The following STARD9 variants were observed in gnomAD, a reference collection of about 807,000 sequenced individuals.
STARD9 encodes stAR-related lipid transfer protein 9.
Under a neutral mutation model 399.8 loss-of-function variants are expected in STARD9, and 346 were observed. The observed-to-expected ratio is 0.87, with a 90% CI of 0.79 to 0.95. The LOEUF is 0.95. Ranked by LOEUF, STARD9 falls within the 40% of genes least tolerant of loss-of-function variation. The pLI is 0.00. For missense variants in STARD9, 5,832 were observed against 5,667.5 expected (o/e 1.03, Z -0.93); for synonymous variants, 2,203 against 2,143.5 (o/e 1.03, Z -0.77).
At chr15:42,613,373 A>C (rs894572415) in intron 3 of STARD9, among the ~76,000 whole-genome samples, 2 of 152,164 alleles carry the variant, frequency 1.3e-5, no homozygotes, top group African/African-American at 2.4e-5. Context: ...TTAGGATCTG[A>C]TACCAGAGAG....
At chr15:42,649,129 A>T (rs747394132) in intron 7 of STARD9, among the ~76,000 whole-genome samples, 8 of 152,084 alleles carry the variant, frequency 5.3e-5, no homozygotes, top group Non-Finnish European at 1.0e-4. Context: ...TCCTGGGTTC[A>T]AGCGATTCTC....
At chr15:42,695,057 G>C in intron 24 of STARD9, 83 bp from the exon 25 acceptor site, 1 of 1,143,776 alleles carries the variant, frequency 8.7e-7, no homozygotes. Context: ...TAAGAAGGTG[G>C]TATCACCCAA....
chr15:42,685,679 C>T lies in STARD9; in HGVS notation c.4101C>T (p.His1367=). Residue 1367 remains histidine, a synonymous_variant, in exon 23 of 33, where the codon CAC becomes CAT. Transcript: ENST00000290607. ...CAAGTCCTGATATGCAGGAATTTCACTCCTGTAAGGGGGAGAGGCCTGGAT... is the reference window on the plus strand; with the variant it reads ...CAAGTCCTGATATGCAGGAATTTCATTCCTGTAAGGGGGAGAGGCCTGGAT... ...LCPSPDMQEF[H]SCKGERPGYW... 1 of 1,537,322 alleles carries T rather than the reference C, an allele frequency of 6.5e-7. No homozygotes were observed. The highest frequency in any genetic ancestry group is 8.7e-7 in the Non-Finnish European group (1 of 1,146,966).
At chr15:42,705,280 TA>T (rs959545747) in intron 26 of STARD9, among the ~76,000 whole-genome samples, 1 of 152,232 alleles carries the variant, frequency 6.6e-6, no homozygotes, top group African/African-American at 2.4e-5. Flanking sequence ...CTTCTCCTTG[TA>T]AAATCTAGTA....
chr15:42,677,193 G>A (rs1429204613), intron 20 of STARD9, among the ~76,000 whole-genome samples: 1 of 151,974 alleles, frequency 6.6e-6, no homozygotes, highest in Non-Finnish European at 1.5e-5. Flanking sequence ...GAACCCAGGA[G>A]GCAGAGGTTG....
At chr15:42,582,842 G>A (rs1011017331) in intron 1 of STARD9, among the ~76,000 whole-genome samples, 1 of 152,130 alleles carries the variant, frequency 6.6e-6, no homozygotes, top group Non-Finnish European at 1.5e-5. Flanking sequence ...TTGTATGTGT[G>A]AGCCACTGCT....
chr15:42,645,714 G>C (rs1354769776), intron 7 of STARD9, among the ~76,000 whole-genome samples: 2 of 151,908 alleles, frequency 1.3e-5, no homozygotes, highest in Non-Finnish European at 2.9e-5. Flanking sequence ...CTAATTTTTT[G>C]TGTATTTTGT....
intron 24 of STARD9, among the ~76,000 whole-genome samples, 161 bp downstream of exon 24, chr15:42,694,886 G>A (rs1165003796): frequency 6.6e-6 from 1 of 152,102 alleles, no homozygotes. Context: ...GGGGTGGGCA[G>A]AGAGAAGGCA....
chr15:42,659,726 A>G (rs186306769), intron 9 of STARD9, among the ~76,000 whole-genome samples: 1 of 152,196 alleles, frequency 6.6e-6, no homozygotes, highest in Non-Finnish European at 1.5e-5. Flanking sequence ...AGGTTTCACC[A>G]TTTTGGCCAG....
At chr15:42,621,878 T>C (rs568526688) in intron 3 of STARD9, among the ~76,000 whole-genome samples, 1 of 152,322 alleles carries the variant, frequency 6.6e-6, no homozygotes, top group African/African-American at 2.4e-5. Flanking sequence ...TGTTGGGGTA[T>C]CACTGTTTTC....
Position 42,691,607 on chromosome 15 carries a change from G to A in STARD9, c.10029G>A (p.Glu3343=). 6.5e-7 allele frequency: 1 copy of A among 1,537,248 alleles called. No individual in the cohort carries two copies. Among genetic ancestry groups the A allele is most frequent in the Non-Finnish European group, 8.7e-7 (1 of 1,146,908 alleles). ...RSLQELNLSV[E]PPSPTDEDTQ... ...TTCAGGAGCTGAACTTGAGTGTGGA[G>A]CCTCCTTCCCCTACAGACGAAGATA... The change falls in exon 23 of 33, where the codon GAG becomes GAA. Residue 3343 remains glutamate, a synonymous_variant. Transcript: ENST00000290607.
intron 2 of STARD9, among the ~76,000 whole-genome samples, chr15:42,584,696 T>C (rs2058239527): frequency 6.6e-6 from 1 of 152,204 alleles, no homozygotes; most frequent in African/African-American, 2.4e-5. Flanking sequence ...TCATCTACCT[T>C]GAGCAGCTAC....
At position 42,692,385 on chromosome 15, in the gene STARD9, A is replaced by G. The variant is rs1451758422; in HGVS notation, c.10807A>G (p.Lys3603Glu). ...PSGEADCLRS[K>E]PPLAKGSAAG... ...TGGTGAAGCAGACTGTCTGAGGAGTAAGCCCCCCTTGGCCAAAGGAAGTGC... is the reference window on the plus strand; with the variant it reads ...TGGTGAAGCAGACTGTCTGAGGAGTGAGCCCCCCTTGGCCAAAGGAAGTGC... The change falls in exon 23 of 33, where the codon AAG (lysine) becomes GAG (glutamate). Residue 3603 changes from lysine (K) to glutamate (E), a missense_variant. Physicochemically the swap from Lys to Glu is moderately conservative, Grantham distance 56. Coordinates refer to ENST00000290607, the MANE Select transcript of STARD9 (RefSeq NM_020759.3). 7.8e-6 allele frequency: 12 copies of G among 1,536,968 alleles called. No individual in the cohort carries two copies. The highest frequency in any genetic ancestry group is 9.6e-6 in the Non-Finnish European group (11 of 1,146,914).
At chr15:42,651,653 A>G (rs375656028) in intron 8 of STARD9, among the ~76,000 whole-genome samples, 1 of 152,096 alleles carries the variant, frequency 6.6e-6, no homozygotes, top group African/African-American at 2.4e-5. Context: ...TTTCTGGGGT[A>G]AAAAGGTCTT....
At chr15:42,634,030 T>G (rs1419522852) in intron 3 of STARD9, among the ~76,000 whole-genome samples, 1 of 152,078 alleles carries the variant, frequency 6.6e-6, no homozygotes, top group Non-Finnish European at 1.5e-5. Flanking sequence ...AGCATTGAGC[T>G]GTGCTTCCCA....
intron 9 of STARD9, among the ~76,000 whole-genome samples, chr15:42,652,929 C>T (rs112280084): frequency 8.5e-4 from 130 of 152,268 alleles, no homozygotes; most frequent in African/African-American, 2.8e-3. Context: ...CCACCTGGCT[C>T]GGCCTGCCTA....
At chr15:42,637,976 G>T in intron 5 of STARD9, 37 bp downstream of exon 5, 4 of 1,537,230 alleles carry the variant, frequency 2.6e-6, no homozygotes, top group Non-Finnish European at 2.6e-6. Context: ...TCTCAAAGTA[G>T]GTCTCTCTAC....
At position 42,686,070 on chromosome 15, in the gene STARD9, C is replaced by T. The variant is rs1452492381; in HGVS notation, c.4492C>T (p.Pro1498Ser). The T allele has an allele frequency of 2.0e-6, 3 of 1,537,128 alleles. No homozygotes were observed. The highest frequency in any genetic ancestry group is 2.6e-6 in the Non-Finnish European group (3 of 1,146,886). The change falls in exon 23 of 33, where the codon CCT becomes TCT. Residue 1498 changes from proline (P) to serine (S), a missense_variant. Physicochemically the swap from Pro to Ser is moderately conservative, Grantham distance 74 (BLOSUM62 -1). Around this residue, in one of 2 missense-constraint regions of STARD9, gnomAD observed 5,828 missense variants for 5,651.1 expected, o/e 1.03. Transcript: ENST00000290607. ...GAAGTACCTCCTTGAACTCTCTTGT[C>T]CTGTTTTGGAGGCCATAGGAGCACC... ...QQKYLLELSC[P>S]VLEAIGAPKP...
rs755403680 is a variant in STARD9 at position 42,638,784 on chromosome 15, G to A, written c.531G>A (p.Glu177=). 30 of 1,535,844 alleles carry A rather than the reference G, an allele frequency of 2.0e-5. No homozygotes were observed. In the Admixed American group the frequency reaches 4.1e-4, roughly 21 times the overall value. The stretch of plus-strand genomic sequence containing the variant: ...AGTCCTATACCCTGCGGGTCAGGGA[G>A]CATCCAGAGATGGGGCCCTATGTAC... The part of the protein sequence containing the change: ...QKKSYTLRVR[E]HPEMGPYVQG... The change falls in exon 7 of 33, where the codon GAG becomes GAA. Residue 177 remains glutamate, a synonymous_variant. Coordinates refer to ENST00000290607, the MANE Select transcript of STARD9 (RefSeq NM_020759.3).
Sources: gnomAD v4.1 joint callset for allele counts (sites outside exome capture counted in the v4.1 genomes callset) on GRCh38, gnomAD v4.1.1 for gene constraint, gnomAD v4.1.1 regional missense constraint, MANE v1.5 for transcripts, NCBI Gene and HGNC (gene_info 2026-07-23, HGNC 2026-07-21) for gene names.